Variants in PDE11A observed in about 807,000 individuals in gnomAD.
PDE11A encodes phosphodiesterase 11A.
Under a neutral mutation model 100.5 loss-of-function variants are expected in PDE11A, and 100 were observed. The observed-to-expected ratio is 1.00, with a 90% CI of 0.85 to 1.18. The LOEUF (loss-of-function observed/expected upper bound fraction) is 1.18, where lower values mean the gene tolerates loss of function less well. Among genes scored for constraint, PDE11A ranks in the 50% most tolerant of loss-of-function variants. PDE11A has a pLI of 0.00. For missense variants in PDE11A, 1,141 were observed against 1,152.6 expected (o/e 0.99, Z 0.15); for synonymous variants, 381 against 420.8 (o/e 0.91, Z 1.16).
In PDE11A at chr2:178,107,719, T is replaced by TC. The variant is rs1269479234; in HGVS notation, c.-14+534_-14+535insG. Among the ~76,000 whole-genome samples, 1,317 of 148,618 alleles carry TC rather than the reference T, an allele frequency of 8.9e-3. 15 individuals are homozygous for TC. The highest frequency in any genetic ancestry group is 0.057 in the East Asian group (288 of 5,038). On this transcript the variant is annotated intron_variant, in intron 1 of 20. Coordinates refer to the PDE11A transcript ENST00000358450. ...TATAGGTTTAACAATTCCTTTTTTT[T>TC]TCTTTTTTTTTTTTTTTTTTGAGAC... is the stretch of plus-strand genomic sequence containing the variant.
In PDE11A at chr2:177,706,195, A is replaced by G. The variant is rs1370564303; in HGVS notation, c.2154-4984T>C. 2.0e-5 allele frequency among the ~76,000 whole-genome samples: 3 copies of G among 152,246 alleles called. No homozygotes were observed. In the East Asian group the frequency reaches 5.8e-4, roughly 29 times the overall value. ...TAACGAAAGCCACACTTTTTATTGT[A>G]GAGGCATTTTGCATTTTATATAGTA... On this transcript the variant is annotated intron_variant, in intron 13 of 19. Transcript: ENST00000286063.
chr2:177,671,777 G>C (rs543138719), intron 17 of PDE11A, among the ~76,000 whole-genome samples: 16 of 152,150 alleles, frequency 1.1e-4, no homozygotes, highest in Non-Finnish European at 1.6e-4. Context: ...ACTAGTGACC[G>C]AGAAGACCAC....
intron 4 of PDE11A, among the ~76,000 whole-genome samples, chr2:177,889,644 T>C (rs2084498092): frequency 6.6e-6 from 1 of 151,604 alleles, no homozygotes; most frequent in African/African-American, 2.4e-5. Flanking sequence ...TGCCTAAAAG[T>C]ATTTTAGAAG....
At chr2:177,681,920 A>T (rs1341613808) in intron 15 of PDE11A, among the ~76,000 whole-genome samples, 1 of 152,256 alleles carries the variant, frequency 6.6e-6, no homozygotes, top group Non-Finnish European at 1.5e-5. Flanking sequence ...ACATATTTTG[A>T]AATGGCCTTG....
At chr2:178,036,434 T>C (rs1275330109) in intron 1 of PDE11A, among the ~76,000 whole-genome samples, 23 of 152,116 alleles carry the variant, frequency 1.5e-4, no homozygotes, top group East Asian at 1.9e-4. Context: ...ATCATGAAAA[T>C]GGTCATACTG....
intron 1 of PDE11A, among the ~76,000 whole-genome samples, chr2:178,023,380 A>G (rs998935798): frequency 1.3e-5 from 2 of 152,302 alleles, no homozygotes; most frequent in Non-Finnish European, 2.9e-5. Context: ...TTCTCTTTCT[A>G]CTTTCTCAGA....
intron 19 of PDE11A, among the ~76,000 whole-genome samples, chr2:177,637,511 T>C (rs2105441551): frequency 6.6e-6 from 1 of 152,146 alleles, no homozygotes; most frequent in Admixed American, 6.6e-5. Flanking sequence ...TTCTGGATTG[T>C]GTTTTTGTCT....
At chr2:177,720,648 GTA>G (rs2105438496) in intron 12 of PDE11A, among the ~76,000 whole-genome samples, 1 of 152,236 alleles carries the variant, frequency 6.6e-6, no homozygotes, top group African/African-American at 2.4e-5. Context: ...CTTTACCAGA[GTA>G]TGCAATGTAA....
intron 5 of PDE11A, among the ~76,000 whole-genome samples, chr2:177,869,867 G>C (rs1369996748): frequency 1.3e-5 from 2 of 152,254 alleles, no homozygotes; most frequent in African/African-American, 4.8e-5. Context: ...GTATGTCAAA[G>C]GACACAGGTT....
At chr2:177,879,601 T>C (rs1021427083) in intron 4 of PDE11A, among the ~76,000 whole-genome samples, 5 of 152,178 alleles carry the variant, frequency 3.3e-5, no homozygotes, top group African/African-American at 1.2e-4. Context: ...AAAAAATAAG[T>C]GCACTTCTGG....
intron 19 of PDE11A, among the ~76,000 whole-genome samples, chr2:177,656,070 C>G (rs1392565297): frequency 6.6e-6 from 1 of 151,998 alleles, no homozygotes; most frequent in Non-Finnish European, 1.5e-5. Context: ...GAGAACTAAA[C>G]CACTTTATAA....
At chr2:177,796,590 C>T (rs2082711140) in intron 9 of PDE11A, among the ~76,000 whole-genome samples, 1 of 152,098 alleles carries the variant, frequency 6.6e-6, no homozygotes, top group Non-Finnish European at 1.5e-5. Flanking sequence ...GGTTTGTAGG[C>T]TTAGTTCCTT....
Position 177,840,312 on chromosome 2 carries a change from G to GCAAC in PDE11A, c.1435_1438dup (p.Ala480GlyfsTer12), listed in dbSNP as rs2083470629. The GCAAC allele has an allele frequency of 6.2e-7, 1 of 1,613,830 alleles. No homozygotes were observed. On this transcript the variant is annotated frameshift_variant, in exon 6 of 20. Transcript: ENST00000286063. LOFTEE classifies it high-confidence loss of function. The stretch of plus-strand genomic sequence containing the variant: ...GATGTTCACTGGAAGGCCTGTTGAA[G>GCAAC]CAACCAGCTCAGCAATGCTGTTATT...
intron 10 of PDE11A, among the ~76,000 whole-genome samples, chr2:177,733,156 T>A (rs1217312690): frequency 6.6e-6 from 1 of 152,228 alleles, no homozygotes; most frequent in African/African-American, 2.4e-5. Context: ...TCAAAGTCAA[T>A]TTCTCCAAAT....
chr2:177,660,182 C>G (rs1278389829), intron 19 of PDE11A, among the ~76,000 whole-genome samples: 3 of 151,284 alleles, frequency 2.0e-5, no homozygotes, highest in Non-Finnish European at 4.4e-5. Context: ...TTCTCTGTCT[C>G]TCTCTCTTTA....
intron 1 of PDE11A, among the ~76,000 whole-genome samples, chr2:178,031,807 A>T (rs1003734559): frequency 6.6e-6 from 1 of 152,040 alleles, no homozygotes; most frequent in Non-Finnish European, 1.5e-5. Context: ...TATGTGTGAA[A>T]CTCAACAGGC....
intron 4 of PDE11A, 35 bp from the exon 5 acceptor site, chr2:177,875,958 TA>T: frequency 8.2e-7 from 1 of 1,220,844 alleles, no homozygotes; most frequent in East Asian, 2.3e-5. Context: ...CCAGGTCAAT[TA>T]AAGCTTTATT....
At chr2:177,903,813 G>A (rs1390558181) in intron 3 of PDE11A, among the ~76,000 whole-genome samples, 4 of 152,194 alleles carry the variant, frequency 2.6e-5, no homozygotes, top group African/African-American at 9.7e-5. Context: ...GGAGGAATAC[G>A]GCTAAAGGTA....
At chr2:177,737,420 T>TACACACACACACAC (rs567621311) in intron 10 of PDE11A, among the ~76,000 whole-genome samples, 6,113 of 110,288 alleles carry the variant, frequency 0.055, 994 homozygotes, top group East Asian at 0.12. Context: ...CTACTAAAAA[T>TACACACACACACAC]ACACACACAC....
Sources: allele counts gnomAD v4.1 joint callset (sites outside exome capture counted in the v4.1 genomes callset), GRCh38; gene constraint gnomAD v4.1.1; transcripts MANE v1.5; gene names NCBI Gene and HGNC (gene_info 2026-07-23, HGNC 2026-07-21).